Variants in PRIMA1 observed in about 807,000 individuals in gnomAD.
The protein encoded by PRIMA1 is proline rich membrane anchor 1.
PRIMA1 carries 7 observed loss-of-function variants against 17.5 expected under a neutral mutation model. The ratio of observed to expected loss-of-function variants is 0.40; its 90% CI spans 0.23 to 0.75. PRIMA1 has a LOEUF of 0.75. Ranked by LOEUF, PRIMA1 falls within the 30% of genes least tolerant of loss-of-function variation. The probability of loss-of-function intolerance (pLI) is 0.37; values close to 1 mark genes in which losing one functional copy is unlikely to be tolerated. For synonymous variants in PRIMA1, 97 were observed against 77.9 expected, an observed-to-expected ratio of 1.25 and a Z score of -1.29; for missense variants, 200 against 201.8, an observed-to-expected ratio of 0.99 and a Z score of 0.05.
At chr14:93,738,132 A>C (rs942033212) in intron 3 of PRIMA1, among the ~76,000 whole-genome samples, 8 of 152,140 alleles carry the variant, frequency 5.3e-5, no homozygotes, top group Non-Finnish European at 1.2e-4. Flanking sequence ...AATTTGGAAA[A>C]GTGTCACTGA....
intron 3 of PRIMA1, among the ~76,000 whole-genome samples, chr14:93,756,948 G>A (rs1414371294): frequency 6.6e-6 from 1 of 152,144 alleles, no homozygotes; most frequent in East Asian, 1.9e-4. Flanking sequence ...GGGGTTCTTT[G>A]TAAAGTGAAG....
intron 2 of PRIMA1, among the ~76,000 whole-genome samples, chr14:93,787,185 A>G (rs1445995865): frequency 6.6e-6 from 1 of 152,196 alleles, no homozygotes; most frequent in African/African-American, 2.4e-5. Flanking sequence ...ATCTGTCTAC[A>G]TCCTCAACTC....
chr14:93,764,561 C>T (rs1725150905), intron 3 of PRIMA1, among the ~76,000 whole-genome samples: 1 of 152,056 alleles, frequency 6.6e-6, no homozygotes, highest in Non-Finnish European at 1.5e-5. Flanking sequence ...AGTCTGTGAC[C>T]ACAATGTAGT....
intron 3 of PRIMA1, among the ~76,000 whole-genome samples, chr14:93,753,306 C>T (rs1566970656): frequency 6.6e-6 from 1 of 152,180 alleles, no homozygotes; most frequent in Admixed American, 6.5e-5. Context: ...TAACAGGGTC[C>T]AAGAAGAAGC....
chr14:93,779,677 G>A (rs1368664411), intron 2 of PRIMA1, among the ~76,000 whole-genome samples: 2 of 152,186 alleles, frequency 1.3e-5, no homozygotes, highest in Non-Finnish European at 2.9e-5. Flanking sequence ...CATTTGGAGA[G>A]TGAGACCCTT....
rs1460814500 is a variant in PRIMA1 at position 93,718,614 on chromosome 14, G to A, written c.*2830C>T. 1 of 145,534 alleles carries A rather than the reference G, an allele frequency of 6.9e-6. No homozygotes were observed. Among genetic ancestry groups the A allele is most frequent in the Non-Finnish European group, 1.5e-5 (1 of 66,660 alleles). The allele number at this position is 145,534 out of a possible 1,614,324, so 9.0% of individuals were successfully genotyped here. Reference sequence around the variant, plus strand: ...TTAACTCATACTTTGTACAGATGCAGAGAGTACAGTAGTTGTATTTATATA... The same window carrying A: ...TTAACTCATACTTTGTACAGATGCAAAGAGTACAGTAGTTGTATTTATATA... On this transcript the variant is annotated 3_prime_UTR_variant, in exon 5 of 5. Transcript: ENST00000393140.
intron 3 of PRIMA1, among the ~76,000 whole-genome samples, chr14:93,773,118 T>C (rs540776190): frequency 1.3e-5 from 2 of 152,324 alleles, no homozygotes; most frequent in African/African-American, 4.8e-5. Flanking sequence ...GGGTTGGACC[T>C]CAGGTCTAGA....
At chr14:93,752,684 T>G (rs2076267668) in intron 3 of PRIMA1, among the ~76,000 whole-genome samples, 1 of 152,006 alleles carries the variant, frequency 6.6e-6, no homozygotes, top group African/African-American at 2.4e-5. Flanking sequence ...ACACCGAGAC[T>G]TGGGCAGGTT....
At chr14:93,730,691 A>G (rs1595191949) in intron 4 of PRIMA1, among the ~76,000 whole-genome samples, 1 of 152,346 alleles carries the variant, frequency 6.6e-6, no homozygotes, top group African/African-American at 2.4e-5. Context: ...TATATGCCAC[A>G]CATTCAGTAA....
At chr14:93,731,548 C>T (rs1246354880) in intron 4 of PRIMA1, among the ~76,000 whole-genome samples, 1 of 152,214 alleles carries the variant, frequency 6.6e-6, no homozygotes, top group Admixed American at 6.5e-5. Flanking sequence ...TCTAGCCATA[C>T]TTTCTAATCA....
intron 3 of PRIMA1, among the ~76,000 whole-genome samples, chr14:93,774,274 C>G (rs770113792): frequency 1.3e-5 from 2 of 152,118 alleles, no homozygotes; most frequent in African/African-American, 2.4e-5. Flanking sequence ...ACAGGACCTT[C>G]GGGGCTAAAA....
chr14:93,729,607 T>C (rs1008133778), intron 4 of PRIMA1, among the ~76,000 whole-genome samples: 2 of 152,180 alleles, frequency 1.3e-5, no homozygotes, highest in African/African-American at 4.8e-5. Flanking sequence ...TGGCCAACCT[T>C]TTCTTCCCCA....
intron 4 of PRIMA1, among the ~76,000 whole-genome samples, chr14:93,727,989 T>C (rs900001744): frequency 6.6e-6 from 1 of 152,202 alleles, no homozygotes; most frequent in African/African-American, 2.4e-5. Flanking sequence ...CTGGTCACCA[T>C]GGGCACTACA....
rs1235359069 is a variant in PRIMA1 at position 93,726,342 on chromosome 14, G to A, written c.360-4796C>T. Among the ~76,000 whole-genome samples the A allele has an allele frequency of 6.6e-6, 1 of 152,146 alleles. No individual in the cohort carries two copies. ...GCTCTGTGGGGATGGAGGAGATGGA[G>A]GCAAAGAACAACTCTGGGAGCCTAA... On this transcript the variant is annotated intron_variant, in intron 4 of 4. Transcript: ENST00000393140. This position sits in a 1 kb window ranked among gnomAD's most constrained non-coding sequence, Gnocchi z 4.2.
chr14:93,747,496 G>T (rs1023413546), intron 3 of PRIMA1, among the ~76,000 whole-genome samples: 1 of 151,898 alleles, frequency 6.6e-6, no homozygotes, highest in Non-Finnish European at 1.5e-5. Context: ...AGCCATATCT[G>T]GGGGGAGAAG....
intron 3 of PRIMA1, among the ~76,000 whole-genome samples, chr14:93,765,261 A>G (rs991823656): frequency 1.3e-5 from 2 of 151,652 alleles, no homozygotes; most frequent in Non-Finnish European, 2.9e-5. Flanking sequence ...ATCTTTCATC[A>G]TTGTCATCCA....
At chr14:93,776,598 T>C (rs1885227661) in intron 3 of PRIMA1, among the ~76,000 whole-genome samples, 1 of 152,184 alleles carries the variant, frequency 6.6e-6, no homozygotes, top group African/African-American at 2.4e-5. Context: ...ACAGACAATA[T>C]AGGCTCATGT....
intron 4 of PRIMA1, among the ~76,000 whole-genome samples, chr14:93,736,382 T>C (rs967797268): frequency 2.0e-5 from 3 of 152,220 alleles, no homozygotes; most frequent in Non-Finnish European, 4.4e-5. Context: ...TAAGAGAACG[T>C]TGGTGAGGAG....
intron 4 of PRIMA1, among the ~76,000 whole-genome samples, chr14:93,732,955 G>C (rs904230005): frequency 6.6e-6 from 1 of 152,204 alleles, no homozygotes; most frequent in Non-Finnish European, 1.5e-5. Context: ...AGGACACCCA[G>C]GTGCCAGGCA....
Sources: gnomAD v4.1 joint callset for allele counts (sites outside exome capture counted in the v4.1 genomes callset) on GRCh38, gnomAD v4.1.1 for gene constraint, Gnocchi (gnomAD v3.1) non-coding constraint, MANE v1.5 for transcripts, NCBI Gene and HGNC (gene_info 2026-07-23, HGNC 2026-07-21) for gene names.